G3BP1: variants seen among roughly 807,000 people sequenced by gnomAD.
The protein encoded by G3BP1 is G3BP stress granule assembly factor 1.
G3BP1 carries 35 observed loss-of-function variants against 58.6 expected under a neutral mutation model. The observed-to-expected ratio is 0.60, with a 90% CI of 0.46 to 0.79. G3BP1 has a LOEUF of 0.79. Ranked by LOEUF, G3BP1 falls within the 30% of genes least tolerant of loss-of-function variation. The probability of loss-of-function intolerance (pLI) is 0.00; values close to 1 mark genes in which losing one functional copy is unlikely to be tolerated. For missense variants in G3BP1, 523 were observed against 580.8 expected (o/e 0.90, Z 1.02); for synonymous variants, 191 against 195.4 (o/e 0.98, Z 0.19).
In G3BP1 at chr5:151,797,279, C is replaced by A. The variant is rs1442278692; in HGVS notation, c.592C>A (p.Pro198Thr). 4.3e-6 allele frequency: 7 copies of A among 1,612,494 alleles called. No individual in the cohort carries two copies. Among genetic ancestry groups the A allele is most frequent in the Non-Finnish European group, 5.9e-6 (7 of 1,178,588 alleles). Reference protein sequence around the residue: ...EEPVAEPEPDPEPEPEQEPVS... With the variant: ...EEPVAEPEPDTEPEPEQEPVS... ...GCCTGTTGCTGAACCAGAGCCTGAT[C>A]CTGAACCAGAACCAGAACAAGAACC... is the stretch of plus-strand genomic sequence containing the variant. Residue 198 changes from proline to threonine, a missense_variant, in exon 7 of 12, where the codon CCT becomes ACT. Coordinates refer to ENST00000356245, the MANE Select transcript of G3BP1 (RefSeq NM_005754.3).
chr5:151,775,709 A>G (rs1220311983), intron 1 of G3BP1, among the ~76,000 whole-genome samples: 1 of 152,248 alleles, frequency 6.6e-6, no homozygotes, highest in Non-Finnish European at 1.5e-5. Context: ...GAGCATTAGT[A>G]TTAACTGTAA....
rs1281809418 is a variant in G3BP1 at position 151,771,963 on chromosome 5, C to A, written c.-123C>A. On this transcript the variant is annotated 5_prime_UTR_variant, in exon 1 of 12. Coordinates refer to ENST00000356245, the MANE Select transcript of G3BP1 (RefSeq NM_005754.3). ...GGCGGAGCACGCGTGTGTGCGGACG[C>A]AGTTGCGTGAGGGGTTTGTACTATC... The A allele has an allele frequency of 6.6e-6, 1 of 152,396 alleles. No individual in the cohort carries two copies. Among genetic ancestry groups the A allele is most frequent in the Non-Finnish European group, 1.5e-5 (1 of 68,194 alleles). The allele number at this position is 152,396 out of a possible 1,614,324, so 9.4% of individuals were successfully genotyped here. A position where few individuals can be genotyped will look rare whatever the true frequency, so the allele number is the denominator to read the frequency against.
intron 1 of G3BP1, among the ~76,000 whole-genome samples, chr5:151,773,948 C>T (rs1762321110): frequency 6.6e-6 from 1 of 152,088 alleles, no homozygotes. Flanking sequence ...TCGTTAGTTT[C>T]TACTTAAAAT....
chr5:151,793,617 T>G (rs1762697253), intron 4 of G3BP1, among the ~76,000 whole-genome samples: 1 of 152,136 alleles, frequency 6.6e-6, no homozygotes, highest in Non-Finnish European at 1.5e-5. Flanking sequence ...TAATTCTTTG[T>G]TGTGGGAGCC....
chr5:151,776,459 T>C (rs1012075276), intron 1 of G3BP1, among the ~76,000 whole-genome samples: 4 of 152,190 alleles, frequency 2.6e-5, no homozygotes, highest in African/African-American at 2.4e-5. Flanking sequence ...GCTACTGTTA[T>C]TATTTTGGGG....
In G3BP1 at chr5:151,800,827, G is replaced by T; in HGVS notation, c.1152G>T (p.Val384=). The T allele has an allele frequency of 6.2e-7, 1 of 1,611,096 alleles. No individual in the cohort carries two copies. The highest frequency in any genetic ancestry group is 8.5e-7 in the Non-Finnish European group (1 of 1,177,800). ...AATTACCCAATTTTGGTTTTGTTGT[G>T]TTTGATGATTCTGAGCCTGTTCAGA... The part of the protein sequence containing the change: ...GGKLPNFGFV[V]FDDSEPVQKV... Residue 384 remains valine, a synonymous_variant, in exon 11 of 12, where the codon GTG becomes GTT. Transcript: ENST00000356245.
At chr5:151,792,783 C>A (rs935267909) in intron 4 of G3BP1, among the ~76,000 whole-genome samples, 1 of 151,982 alleles carries the variant, frequency 6.6e-6, no homozygotes, top group Non-Finnish European at 1.5e-5. Flanking sequence ...TTTGTTTCTG[C>A]TTTTGTGGAG....
intron 1 of G3BP1, among the ~76,000 whole-genome samples, chr5:151,774,937 T>TA (rs35432279): frequency 6.6e-4 from 100 of 152,104 alleles, no homozygotes; most frequent in Non-Finnish European, 1.2e-3. Flanking sequence ...TTACTTTTTT[T>TA]AAAAAAGTAT....
rs893746185 is a variant in G3BP1 at position 151,809,202 on chromosome 5, A to G, written c.*5111A>G. The G allele has an allele frequency of 2.0e-5, 3 of 152,152 alleles. No homozygotes were observed. The highest frequency in any genetic ancestry group is 4.4e-5 in the Non-Finnish European group (3 of 68,040). The allele number at this position is 152,152 out of a possible 1,614,324, so 9.4% of individuals were successfully genotyped here. On this transcript the variant is annotated 3_prime_UTR_variant, in exon 12 of 12. Transcript: ENST00000356245. ...AAAAAACAAAAAATTAGAAAACAAC[A>G]AAAACCACTTCGGTTACTCACTGTC...
At chr5:151,775,317 T>G (rs1762348566) in intron 1 of G3BP1, among the ~76,000 whole-genome samples, 2 of 152,270 alleles carry the variant, frequency 1.3e-5, no homozygotes, top group African/African-American at 4.8e-5. Context: ...TTAACTTCAC[T>G]GGCTATATAA....
chr5:151,792,268 ATTG>A, intron 4 of G3BP1: 1 of 262,100 alleles, frequency 3.8e-6, no homozygotes, highest in Non-Finnish European at 7.7e-6. Context: ...TGATTAAATC[ATTG>A]TTTTCTCTAG....
chr5:151,797,250 A>T lies in G3BP1; in HGVS notation c.563A>T (p.Glu188Val). Residue 188 changes from glutamate to valine, a missense_variant, in exon 7 of 12, where the codon GAG (glutamate) becomes GTG (valine). Glu to Val is a moderately radical substitution (Grantham distance 121, BLOSUM62 -2). Transcript: ENST00000356245. ...VVSNDMEEHL[E>V]EPVAEPEPDP... ...AGTAATGACATGGAAGAACATTTAG[A>T]GGAGCCTGTTGCTGAACCAGAGCCT... 6.2e-7 allele frequency: 1 copy of T among 1,613,452 alleles called. No individual in the cohort carries two copies.
chr5:151,786,458 C>G (rs941608985), intron 1 of G3BP1, 114 bp from the exon 2 acceptor site: 2 of 629,032 alleles, frequency 3.2e-6, no homozygotes, highest in Non-Finnish European at 5.8e-6. Flanking sequence ...TGTATGGGCT[C>G]TGTTTGTTTT....
chr5:151,784,105 T>C (rs985836917), intron 1 of G3BP1, among the ~76,000 whole-genome samples: 2 of 152,184 alleles, frequency 1.3e-5, no homozygotes, highest in Non-Finnish European at 2.9e-5. Context: ...GTTTGTACTT[T>C]ATTTTTTTGA....
Position 151,780,969 on chromosome 5 carries a change from G to A in G3BP1, c.-49-5603G>A, listed in dbSNP as rs1013020828. Among the ~76,000 whole-genome samples the A allele has an allele frequency of 9.2e-5, 14 of 152,234 alleles. No homozygotes were observed. The East Asian group carries it at 1.3e-3, about 15-fold the overall frequency. ...TAGTACAGTTGAACCATGAACAAACGTGGGTATGAACTGCTCAGGTCCACT... is the reference window on the plus strand; with the variant it reads ...TAGTACAGTTGAACCATGAACAAACATGGGTATGAACTGCTCAGGTCCACT... On this transcript the variant is annotated intron_variant, in intron 1 of 11. Transcript: ENST00000356245.
At chr5:151,775,561 C>T (rs189029752) in intron 1 of G3BP1, among the ~76,000 whole-genome samples, 37 of 152,366 alleles carry the variant, frequency 2.4e-4, no homozygotes, top group Middle Eastern at 3.4e-3. Context: ...CCTGCCTGCC[C>T]TTGCAGGCTT....
chr5:151,796,509 C>T (rs1450686922), intron 6 of G3BP1, among the ~76,000 whole-genome samples: 6 of 152,222 alleles, frequency 3.9e-5, no homozygotes, highest in South Asian at 2.1e-4. Flanking sequence ...CTCAGGTGAT[C>T]TGCCCACCTT....
rs1200661783 is a variant in G3BP1 at position 151,810,754 on chromosome 5, A to G, written c.*6663A>G. 1.3e-5 allele frequency: 2 copies of G among 152,122 alleles called. No homozygotes were observed. Among genetic ancestry groups the G allele is most frequent in the East Asian group, 1.9e-4 (1 of 5,196 alleles). 9.4% of individuals were successfully genotyped at this position (152,122 alleles called of 1,614,324 possible). On this transcript the variant is annotated 3_prime_UTR_variant, in exon 12 of 12. Coordinates refer to ENST00000356245, the MANE Select transcript of G3BP1 (RefSeq NM_005754.3). ...TCTGTTTTCATTCCCAAGGGAGGCCATGTCTGGAGATAGACCTTGAATTTA... is the reference window on the plus strand; with the variant it reads ...TCTGTTTTCATTCCCAAGGGAGGCCGTGTCTGGAGATAGACCTTGAATTTA...
intron 1 of G3BP1, among the ~76,000 whole-genome samples, chr5:151,773,267 T>G (rs1762307160): frequency 6.6e-6 from 1 of 152,196 alleles, no homozygotes; most frequent in Admixed American, 6.5e-5. Flanking sequence ...ATTTAAGATC[T>G]CACTAGCATC....
Sources: gnomAD v4.1 joint callset for allele counts (sites outside exome capture counted in the v4.1 genomes callset) on GRCh38, gnomAD v4.1.1 for gene constraint, MANE v1.5 for transcripts, NCBI Gene and HGNC (gene_info 2026-07-23, HGNC 2026-07-21) for gene names.